Variants in RINT1 observed in about 807,000 individuals in gnomAD.
RINT1 encodes the protein RAD50 interactor 1.
In RINT1, 75 loss-of-function variants were observed where a neutral mutation model predicts 97.7. The ratio of observed to expected loss-of-function variants is 0.77; its 90% CI spans 0.64 to 0.93. The LOEUF (loss-of-function observed/expected upper bound fraction) is 0.93, where lower values mean the gene tolerates loss of function less well. Ranked by LOEUF, RINT1 falls within the 40% of genes least tolerant of loss-of-function variation. The pLI, the probability that RINT1 is intolerant of heterozygous loss-of-function variation, is 0.00. For synonymous variants in RINT1, 303 were observed against 326.3 expected, an observed-to-expected ratio of 0.93 and a Z score of 0.77; for missense variants, 892 against 925.2, an observed-to-expected ratio of 0.96 and a Z score of 0.47.
intron 3 of RINT1, 60 bp from the exon 4 acceptor site, chr7:105,542,348 T>A (rs1790491301): frequency 2.2e-6 from 3 of 1,386,266 alleles, no homozygotes; most frequent in Non-Finnish European, 3.0e-6. Context: ...AAAAAAATTA[T>A]GAAAATTTTA....
In RINT1 at chr7:105,563,843, C is replaced by CA; in HGVS notation, c.1783dup (p.Met595AsnfsTer3). On this transcript the variant is annotated frameshift_variant, in exon 12 of 15. Transcript: ENST00000257700. LOFTEE classifies it high-confidence loss of function. ...CTATGGAGAGCTCTGTCTTTGATGA[C>CA]ATGATTAACCTCTTAGAACGTTTAA... is the stretch of plus-strand genomic sequence containing the variant. The CA allele has an allele frequency of 1.2e-6, 2 of 1,614,030 alleles. No homozygotes were observed. Among genetic ancestry groups the CA allele is most frequent in the Non-Finnish European group, 1.7e-6 (2 of 1,179,942 alleles).
chr7:105,545,324 C>T (rs1002262777), intron 4 of RINT1, among the ~76,000 whole-genome samples: 28 of 150,984 alleles, frequency 1.9e-4, no homozygotes, highest in African/African-American at 2.7e-4. Flanking sequence ...TGGTGGTGAG[C>T]ACCCATAGTC....
intron 14 of RINT1, 140 bp from the exon 15 acceptor site, chr7:105,566,979 C>CAAATAATAAATCCATAAATATTTT (rs1191552739): frequency 1.9e-5 from 9 of 468,742 alleles, no homozygotes; most frequent in Non-Finnish European, 3.2e-5. Context: ...TTAAAAGAAC[C>CAAATAATAAATCCATAAATATTTT]AAATAATAAA....
chr7:105,565,827 C>G (rs539403484), intron 14 of RINT1, among the ~76,000 whole-genome samples, 179 bp downstream of exon 14: 10 of 152,212 alleles, frequency 6.6e-5, no homozygotes, highest in African/African-American at 2.2e-4. Flanking sequence ...TAGATGTGAC[C>G]CATGACCTCA....
chr7:105,565,603 CTTTGT>C lies in RINT1; in HGVS notation c.2145_2149del (p.Leu715PhefsTer12). The C allele has an allele frequency of 6.2e-7, 1 of 1,613,778 alleles. No individual in the cohort carries two copies. On this transcript the variant is annotated frameshift_variant, in exon 14 of 15. Transcript: ENST00000257700. LOFTEE classifies it high-confidence loss of function. ...TTTGATATGACTCGGAATCTTTTCCCTTTGTTTTCTCACTATTGCAAGAGACCAGA... is the reference window on the plus strand; with the variant it reads ...TTTGATATGACTCGGAATCTTTTCCCTTTCTCACTATTGCAAGAGACCAGA...
chr7:105,537,312 T>C (rs1431543093), intron 3 of RINT1, among the ~76,000 whole-genome samples: 1 of 147,214 alleles, frequency 6.8e-6, no homozygotes, highest in African/African-American at 2.5e-5. Flanking sequence ...GTATTTTAGG[T>C]AGAGATGGGG....
Position 105,547,202 on chromosome 7 carries a change from A to G in RINT1, c.708A>G (p.Leu236=), listed in dbSNP as rs921181241. Residue 236 remains leucine (L), a synonymous_variant, in exon 6 of 15, where the codon TTA becomes TTG. Transcript: ENST00000257700. ...ATTGCAGTGATTTTGAGGAAATTTT[A>G]GCACAGCTTCATTGGCCATTCATCG... The part of the protein sequence containing the change: ...DKLTSDFEEI[L]AQLHWPFIAP... The G allele has an allele frequency of 6.2e-7, 1 of 1,614,078 alleles. No homozygotes were observed. The highest frequency in any genetic ancestry group is 1.3e-5 in the African/African-American group (1 of 74,928).
In RINT1 at chr7:105,567,553, CTGAG is replaced by C. The variant is rs2133500275; in HGVS notation, c.*244_*247del. On this transcript the variant is annotated 3_prime_UTR_variant, in exon 15 of 15. Coordinates refer to ENST00000257700, the MANE Select transcript of RINT1 (RefSeq NM_021930.6). ...TCAATTCTATTTACAAGTATAAATG[CTGAG>C]TATGTCTGTTGAAGACGAGCAGAGA... is the stretch of plus-strand genomic sequence containing the variant. The C allele has an allele frequency of 3.0e-6, 2 of 658,648 alleles. No homozygotes were observed. The highest frequency in any genetic ancestry group is 2.7e-5 in the East Asian group (1 of 36,848). 40.8% of individuals were successfully genotyped at this position (658,648 alleles called of 1,614,324 possible).
Position 105,548,553 on chromosome 7 carries a change from G to C in RINT1, c.840-1G>C, listed in dbSNP as rs1790781071. 6.2e-7 allele frequency: 1 copy of C among 1,613,892 alleles called. No individual in the cohort carries two copies. The highest frequency in any genetic ancestry group is 1.7e-5 in the Admixed American group (1 of 59,978). On this transcript the variant is annotated splice_acceptor_variant, in intron 6 of 14. Coordinates refer to ENST00000257700, the MANE Select transcript of RINT1 (RefSeq NM_021930.6). LOFTEE classifies it high-confidence loss of function. ...CTTTTTCCTTGACTTGATTATGTCAGAGATGAATTACTTACTGAGCCAAAG... is the reference window on the plus strand; with the variant it reads ...CTTTTTCCTTGACTTGATTATGTCACAGATGAATTACTTACTGAGCCAAAG...
intron 11 of RINT1, among the ~76,000 whole-genome samples, chr7:105,563,221 A>G (rs538812505): frequency 1.3e-5 from 2 of 152,354 alleles, no homozygotes; most frequent in East Asian, 3.9e-4. Context: ...CCATTGAGAC[A>G]GAAAGTCAAT....
chr7:105,543,089 A>G (rs555443620), intron 4 of RINT1, among the ~76,000 whole-genome samples: 411 of 151,684 alleles, frequency 2.7e-3, no homozygotes, highest in Non-Finnish European at 4.1e-3. Context: ...ACGGGGTTTC[A>G]CCATGTTAGC....
chr7:105,560,744 A>G (rs577901854), intron 11 of RINT1, among the ~76,000 whole-genome samples: 43 of 152,010 alleles, frequency 2.8e-4, no homozygotes, highest in African/African-American at 1.0e-3. Flanking sequence ...TTTTGAGACA[A>G]GAGTCTCACT....
chr7:105,548,990 CT>C (rs759190562), intron 7 of RINT1, among the ~76,000 whole-genome samples: 185 of 143,594 alleles, frequency 1.3e-3, no homozygotes, highest in Middle Eastern at 7.2e-3. Flanking sequence ...TATTTCTTTT[CT>C]TTTTTTTTTT....
At chr7:105,554,390 TA>T (rs1037216920) in intron 10 of RINT1, among the ~76,000 whole-genome samples, 1 of 151,970 alleles carries the variant, frequency 6.6e-6, no homozygotes, top group Non-Finnish European at 1.5e-5. Flanking sequence ...CTTTCTTTTT[TA>T]AAAAAATGCT....
chr7:105,559,727 T>C (rs753922902), intron 11 of RINT1, among the ~76,000 whole-genome samples: 11 of 151,864 alleles, frequency 7.2e-5, no homozygotes, highest in Non-Finnish European at 1.3e-4. Flanking sequence ...TCTCAAAAAA[T>C]AAAAAACAAT....
chr7:105,547,261 G>T lies in RINT1; in HGVS notation c.767G>T (p.Arg256Leu). 2 of 1,614,112 alleles carry T rather than the reference G, an allele frequency of 1.2e-6. No individual in the cohort carries two copies. The highest frequency in any genetic ancestry group is 1.7e-6 in the Non-Finnish European group (2 of 1,180,004). The change falls in exon 6 of 15, where the codon CGA becomes CTA. Residue 256 changes from arginine to leucine, a missense_variant. By Grantham distance (102) the Arg-to-Leu change is moderately radical. Transcript: ENST00000257700. ...PPQSQTVGLS[R>L]PASAPEIYSY... ...CAATCACAAACTGTTGGCTTAAGTC[G>T]ACCTGCCAGTGCCCCGGAGATATAC...
At chr7:105,560,653 A>C (rs1231156098) in intron 11 of RINT1, among the ~76,000 whole-genome samples, 1 of 152,166 alleles carries the variant, frequency 6.6e-6, no homozygotes, top group African/African-American at 2.4e-5. Flanking sequence ...GTTTTATTTC[A>C]AGAACTTTAA....
intron 11 of RINT1, among the ~76,000 whole-genome samples, chr7:105,561,532 A>G (rs1791438401): frequency 6.6e-6 from 1 of 152,142 alleles, no homozygotes; most frequent in Non-Finnish European, 1.5e-5. Context: ...TGTCTCAAAA[A>G]ATAAAAAAAA....
intron 6 of RINT1, among the ~76,000 whole-genome samples, chr7:105,547,551 C>T (rs1401617409): frequency 2.6e-5 from 4 of 152,062 alleles, no homozygotes; most frequent in Non-Finnish European, 5.9e-5. Flanking sequence ...GGATACATGA[C>T]TGATCCAAGT....
Sources: gnomAD v4.1 joint callset for allele counts (sites outside exome capture counted in the v4.1 genomes callset) on GRCh38, gnomAD v4.1.1 for gene constraint, MANE v1.5 for transcripts, NCBI Gene and HGNC (gene_info 2026-07-23, HGNC 2026-07-21) for gene names.